Variants in DIO2 observed in about 807,000 individuals in gnomAD.
DIO2 encodes iodothyronine deiodinase 2, also known as type II iodothyronine deiodinase.
A neutral mutation model predicts 21.4 loss-of-function variants in DIO2; 19 were observed. The observed-to-expected ratio is 0.89, with a 90% CI of 0.62 to 1.30. DIO2 has a LOEUF of 1.30. DIO2 is among the 50% of genes most tolerant of loss of function. The probability of loss-of-function intolerance (pLI) is 0.00; values close to 1 mark genes in which losing one functional copy is unlikely to be tolerated. For missense variants in DIO2, 302 were observed against 338.1 expected, an observed-to-expected ratio of 0.89 and a Z score of 0.84; for synonymous variants, 122 against 132.9, an observed-to-expected ratio of 0.92 and a Z score of 0.57.
chr14:80,210,641 C>T (rs1183218015), intron 1 of DIO2, among the ~76,000 whole-genome samples: 5 of 152,178 alleles, frequency 3.3e-5, no homozygotes, highest in African/African-American at 1.2e-4. Flanking sequence ...CTGAAAATCG[C>T]TTCCAAAGGG....
chr14:80,222,585 T>A (rs1328884586), intron 2 of DIO2, among the ~76,000 whole-genome samples: 1 of 152,326 alleles, frequency 6.6e-6, no homozygotes, highest in Non-Finnish European at 1.5e-5. Flanking sequence ...ATGCAAAAAA[T>A]TTCCTATATT....
At position 80,201,925 on chromosome 14, in the gene DIO2, C is replaced by T. The variant is rs558748467; in HGVS notation, c.*764G>A. 207 of 159,902 alleles carry T rather than the reference C, an allele frequency of 1.3e-3. No individual in the cohort carries two copies. The highest frequency in any genetic ancestry group is 4.8e-3 in the African/African-American group (200 of 41,608). The allele number at this position is 159,902 out of a possible 1,614,324, so 9.9% of individuals were successfully genotyped here. A position where few individuals can be genotyped will look rare whatever the true frequency, so the allele number is the denominator to read the frequency against. ...TTCCGTGGCTAACAAATGTGACCCACTCTCTACAGCTTAAGGGTGAAACTC... is the reference window on the plus strand; with the variant it reads ...TTCCGTGGCTAACAAATGTGACCCATTCTCTACAGCTTAAGGGTGAAACTC... On this transcript the variant is annotated 3_prime_UTR_variant, in exon 2 of 2. Transcript: ENST00000438257.
chr14:80,216,011 G>A (rs1196727969), upstream of DIO2: 4 of 152,298 alleles, frequency 2.6e-5, no homozygotes, highest in Admixed American at 6.5e-5. Context: ...GCAGGCTGAC[G>A]CCTTGGGAGG....
Position 80,200,569 on chromosome 14 carries a change from G to A in DIO2, c.*2120C>T, listed in dbSNP as rs940807748. On this transcript the variant is annotated 3_prime_UTR_variant, in exon 2 of 2. Transcript: ENST00000438257. ...TCCACGTAAATCTCAACACCATTTT[G>A]AGGTTAAAAATCAATGGGGGCAGAG... The A allele has an allele frequency of 6.6e-6, 1 of 152,158 alleles. No homozygotes were observed. Among genetic ancestry groups the A allele is most frequent in the African/African-American group, 2.4e-5 (1 of 41,428 alleles). The allele number at this position is 152,158 out of a possible 1,614,324, so 9.4% of individuals were successfully genotyped here.
At chr14:80,209,279 T>A (rs1193757386) in intron 1 of DIO2, among the ~76,000 whole-genome samples, 1 of 152,138 alleles carries the variant, frequency 6.6e-6, no homozygotes, top group Non-Finnish European at 1.5e-5. Flanking sequence ...TGACTGTTTT[T>A]CATGTTTTTC....
intron 1 of DIO2, among the ~76,000 whole-genome samples, chr14:80,210,275 C>T (rs749910670): frequency 6.6e-6 from 1 of 152,100 alleles, no homozygotes; most frequent in African/African-American, 2.4e-5. Flanking sequence ...AAGACCAGGG[C>T]GAAAATCATC....
At chr14:80,226,218 T>C (rs1215836397) in intron 2 of DIO2, among the ~76,000 whole-genome samples, 2 of 152,112 alleles carry the variant, frequency 1.3e-5, no homozygotes, top group African/African-American at 2.4e-5. Context: ...ACCTAGTTGG[T>C]ATCGTAATTG....
rs1887745459 is a variant in DIO2, at chr14:80,201,972, T to A, written c.*717A>T. 5.8e-6 allele frequency: 1 copy of A among 171,894 alleles called. No homozygotes were observed. The highest frequency in any genetic ancestry group is 1.2e-5 in the Non-Finnish European group (1 of 80,902). The allele number at this position is 171,894 out of a possible 1,614,324, so 10.6% of individuals were successfully genotyped here. On this transcript the variant is annotated 3_prime_UTR_variant, in exon 2 of 2. Transcript: ENST00000438257. ...ACTCTGTGAATTTTCCAAATCTTTCTGCCTCCTCTTTCCTAGCTTGTCAAT... is the reference window on the plus strand; with the variant it reads ...ACTCTGTGAATTTTCCAAATCTTTCAGCCTCCTCTTTCCTAGCTTGTCAAT...
At chr14:80,211,212 C>T (rs1888174055) in intron 1 of DIO2, 39 bp downstream of exon 1, 6 of 1,580,190 alleles carry the variant, frequency 3.8e-6, no homozygotes, top group African/African-American at 1.3e-5. Flanking sequence ...GCCCCTGCCC[C>T]TGTAGACCTA....
Position 80,203,218 on chromosome 14 carries a change from C to T in DIO2, c.293G>A (p.Ser98Asn). 1 of 1,609,286 alleles carries T rather than the reference C, an allele frequency of 6.2e-7. No homozygotes were observed. Among genetic ancestry groups the T allele is most frequent in the Non-Finnish European group, 8.5e-7 (1 of 1,177,966 alleles). Residue 98 changes from serine to asparagine, a missense_variant, in exon 2 of 2, where the codon AGT (serine) becomes AAT (asparagine). Ser to Asn is a conservative substitution (Grantham distance 46). Coordinates refer to ENST00000438257, the MANE Select transcript of DIO2 (RefSeq NM_013989.5). ...HVSSTEGGDN[S>N]GNGTQEKIAE... is the part of the protein sequence containing the mutation. ...TATCTTCTCCTGGGTACCATTGCCACTGTTGTCACCTCCTTCTGTACTGGA... is the reference window on the plus strand; with the variant it reads ...TATCTTCTCCTGGGTACCATTGCCATTGTTGTCACCTCCTTCTGTACTGGA...
At chr14:80,223,951 C>A (rs530488249) in intron 2 of DIO2, among the ~76,000 whole-genome samples, 1 of 152,312 alleles carries the variant, frequency 6.6e-6, no homozygotes, top group African/African-American at 2.4e-5. Flanking sequence ...GATTATATCA[C>A]AGGCCACCAA....
rs368821590 is a variant in DIO2 at position 80,202,936 on chromosome 14, C to A, written c.575G>T (p.Cys192Phe). The part of the protein sequence containing the change: ...VKKHQNQEDR[C>F]AAAQQLLERF... ...CTCCAGAAGCTGCTGGGCTGCTGCA[C>A]ATCGATCTTCCTGGTTCTGGTGCTT... The change falls in exon 2 of 2, where the codon TGT (cysteine) becomes TTT (phenylalanine). Residue 192 changes from cysteine (C) to phenylalanine (F), a missense_variant. Transcript: ENST00000438257. The A allele has an allele frequency of 1.0e-4, 162 of 1,613,904 alleles. No homozygotes were observed. The highest frequency in any genetic ancestry group is 1.3e-4 in the Non-Finnish European group (159 of 1,179,908).
chr14:80,215,453 C>T (rs189129935), upstream of DIO2, among the ~76,000 whole-genome samples: 264 of 152,292 alleles, frequency 1.7e-3, no homozygotes, highest in African/African-American at 6.0e-3. Flanking sequence ...TTAAGCACAA[C>T]AGTTGCCATT....
Position 80,202,544 on chromosome 14 carries a change from G to T in DIO2, c.*145C>A. Reference sequence around the variant, plus strand: ...ATTTGAGTAGTGAAAGAAGTATGGAGCTGTTAGAGATTCATGTTCTTCCGA... The same window carrying T: ...ATTTGAGTAGTGAAAGAAGTATGGATCTGTTAGAGATTCATGTTCTTCCGA... On this transcript the variant is annotated 3_prime_UTR_variant, in exon 2 of 2. Transcript: ENST00000438257. 1.2e-6 allele frequency: 1 copy of T among 829,370 alleles called. No individual in the cohort carries two copies. Among genetic ancestry groups the T allele is most frequent in the Non-Finnish European group, 1.9e-6 (1 of 535,194 alleles). 51.4% of individuals were successfully genotyped at this position (829,370 alleles called of 1,614,324 possible).
upstream of DIO2, among the ~76,000 whole-genome samples, chr14:80,212,358 G>A (rs1299997079): frequency 6.6e-6 from 1 of 151,878 alleles, no homozygotes; most frequent in Non-Finnish European, 1.5e-5. Flanking sequence ...AGAAGGGGTT[G>A]GGGAGAGACA....
chr14:80,207,384 A>C (rs1887993814), intron 1 of DIO2, among the ~76,000 whole-genome samples: 1 of 152,186 alleles, frequency 6.6e-6, no homozygotes, highest in African/African-American at 2.4e-5. Context: ...AAAATACAGC[A>C]TATACTACTA....
intron 2 of DIO2, among the ~76,000 whole-genome samples, chr14:80,224,464 T>C (rs1888529022): frequency 6.6e-6 from 1 of 150,932 alleles, no homozygotes; most frequent in Admixed American, 6.7e-5. Context: ...TGCCACCTCA[T>C]GTGTCTTTAT....
chr14:80,202,646 T>C lies in DIO2; in HGVS notation c.*43A>G. The C allele has an allele frequency of 6.5e-7, 1 of 1,528,984 alleles. No homozygotes were observed. Among genetic ancestry groups the C allele is most frequent in the Non-Finnish European group, 8.8e-7 (1 of 1,138,130 alleles). The allele number at this position is 1,528,984 out of a possible 1,614,324, so 94.7% of individuals were successfully genotyped here. ...ATTCAGTTCTTAATTTCCTTGCCTTTATATAACTTTTTAAAACAATAAGCT... is the reference window on the plus strand; with the variant it reads ...ATTCAGTTCTTAATTTCCTTGCCTTCATATAACTTTTTAAAACAATAAGCT... On this transcript the variant is annotated 3_prime_UTR_variant, in exon 2 of 2. Coordinates refer to ENST00000438257, the MANE Select transcript of DIO2 (RefSeq NM_013989.5).
At chr14:80,214,201 T>C (rs1232258534), upstream of DIO2, among the ~76,000 whole-genome samples, 1 of 152,152 alleles carries the variant, frequency 6.6e-6, no homozygotes, top group Non-Finnish European at 1.5e-5. Context: ...GCCCAGGCCT[T>C]AGAATCTCTC....
Sources: gnomAD v4.1 joint callset for allele counts (sites outside exome capture counted in the v4.1 genomes callset) on GRCh38, gnomAD v4.1.1 for gene constraint, MANE v1.5 for transcripts, NCBI Gene and HGNC (gene_info 2026-07-23, HGNC 2026-07-21) for gene names.